The following CSGALNACT1 variants were observed in gnomAD, a reference collection of about 807,000 sequenced individuals.
CSGALNACT1 encodes beta4GalNAcT-1.
A neutral mutation model predicts 51.0 loss-of-function variants in CSGALNACT1; 52 were observed. That is an observed-to-expected ratio of 1.02 (90% CI 0.82 to 1.29). The LOEUF (loss-of-function observed/expected upper bound fraction) is 1.29. CSGALNACT1 is among the 50% of genes most tolerant of loss of function. The pLI is 0.00. For synonymous variants in CSGALNACT1, 341 were observed against 254.4 expected (o/e 1.34, Z -3.24); for missense variants, 935 against 679.2 (o/e 1.38, Z -4.19).
chr8:19,701,684 T>C (rs918067426), intron 1 of CSGALNACT1, among the ~76,000 whole-genome samples: 4 of 152,172 alleles, frequency 2.6e-5, no homozygotes, highest in Non-Finnish European at 5.9e-5. Context: ...ATCACAAGGA[T>C]AATGATGATG....
intron 3 of CSGALNACT1, among the ~76,000 whole-genome samples, chr8:19,567,141 G>A (rs1165886537): frequency 2.0e-5 from 3 of 152,162 alleles, no homozygotes; most frequent in Non-Finnish European, 4.4e-5. Flanking sequence ...TGGTTCAACT[G>A]AAAAGACTCA....
intron 1 of CSGALNACT1, among the ~76,000 whole-genome samples, chr8:19,751,704 C>G (rs986653878): frequency 6.6e-6 from 1 of 152,110 alleles, no homozygotes; most frequent in Non-Finnish European, 1.5e-5. Context: ...GCAGACTTCC[C>G]CCTTGCTGTT....
At chr8:19,520,264 G>A (rs959722193) in intron 3 of CSGALNACT1, among the ~76,000 whole-genome samples, 3 of 152,184 alleles carry the variant, frequency 2.0e-5, no homozygotes, top group African/African-American at 7.2e-5. Flanking sequence ...TTCTCTCTTT[G>A]TGCCATCTAA....
chr8:19,601,916 A>G (rs2050511980), intron 1 of CSGALNACT1, 51 bp from the exon 2 acceptor site: 1 of 453,594 alleles, frequency 2.2e-6, no homozygotes, highest in Admixed American at 2.4e-5. Context: ...CCATGTCTTA[A>G]ATGTATGTGG....
chr8:19,688,409 G>GGGGA (rs2061098644), intron 1 of CSGALNACT1, among the ~76,000 whole-genome samples: 3 of 152,182 alleles, frequency 2.0e-5, no homozygotes, highest in Admixed American at 2.0e-4. Flanking sequence ...ACACCCTGAA[G>GGGGA]GGGAAGGCAA....
At chr8:19,616,228 G>T (rs954597871) in intron 1 of CSGALNACT1, among the ~76,000 whole-genome samples, 3 of 152,150 alleles carry the variant, frequency 2.0e-5, no homozygotes, top group African/African-American at 7.2e-5. Context: ...GGTTAAATTA[G>T]GGAAGATCTT....
rs4922032 is a variant in CSGALNACT1, at chr8:19,468,778, G to C, written c.635-10136C>G. Among the ~76,000 whole-genome samples the C allele has an allele frequency of 6.0e-3, 917 of 152,264 alleles. 10 individuals carry two copies. The highest frequency in any genetic ancestry group is 0.027 in the Middle Eastern group (8 of 294). Reference sequence around the variant, plus strand: ...GCTGATTTGAAGAGGTGTATGAGTAGATTGGAAGCTTGGCGGGCAAGCCTT... The same window carrying C: ...GCTGATTTGAAGAGGTGTATGAGTACATTGGAAGCTTGGCGGGCAAGCCTT... On this transcript the variant is annotated intron_variant, in intron 4 of 9. Coordinates refer to ENST00000454498, the Ensembl canonical transcript of CSGALNACT1.
chr8:19,478,999 G>A (rs961090565), intron 4 of CSGALNACT1, among the ~76,000 whole-genome samples: 1 of 152,192 alleles, frequency 6.6e-6, no homozygotes, highest in Admixed American at 6.5e-5. Flanking sequence ...TGAATGACTG[G>A]AGAGTGACTT....
intron 1 of CSGALNACT1, among the ~76,000 whole-genome samples, chr8:19,666,154 C>G (rs988384580): frequency 1.3e-5 from 2 of 152,164 alleles, no homozygotes; most frequent in African/African-American, 4.8e-5. Flanking sequence ...GGGTGCTCCA[C>G]GGAAGCTGGA....
chr8:19,588,322 C>G (rs1469740062), intron 3 of CSGALNACT1, among the ~76,000 whole-genome samples: 1 of 152,154 alleles, frequency 6.6e-6, no homozygotes, highest in African/African-American at 2.4e-5. Flanking sequence ...ACAAAGTTAT[C>G]AGTATCATAT....
At chr8:19,678,980 CAT>C (rs1384081556) in intron 1 of CSGALNACT1, among the ~76,000 whole-genome samples, 2 of 152,222 alleles carry the variant, frequency 1.3e-5, no homozygotes, top group East Asian at 3.9e-4. Context: ...TTAATCCTGA[CAT>C]AAAGATTAAG....
intron 1 of CSGALNACT1, among the ~76,000 whole-genome samples, chr8:19,643,013 T>G (rs1457987146): frequency 6.6e-6 from 1 of 152,116 alleles, no homozygotes; most frequent in African/African-American, 2.4e-5. Flanking sequence ...TGACCAACCT[T>G]CTGGATGGGA....
intron 6 of CSGALNACT1, among the ~76,000 whole-genome samples, chr8:19,425,156 A>G (rs566501560): frequency 6.6e-6 from 1 of 152,304 alleles, no homozygotes; most frequent in Admixed American, 6.5e-5. Context: ...TGAACTGACC[A>G]ACATGGTGAA....
chr8:19,643,883 G>T (rs2056991165), intron 1 of CSGALNACT1, among the ~76,000 whole-genome samples: 1 of 152,146 alleles, frequency 6.6e-6, no homozygotes, highest in African/African-American at 2.4e-5. Context: ...GCAGTAATTT[G>T]GCAAGTATGA....
At chr8:19,629,893 G>A (rs1026167787) in intron 1 of CSGALNACT1, among the ~76,000 whole-genome samples, 1 of 152,312 alleles carries the variant, frequency 6.6e-6, no homozygotes. Flanking sequence ...GTAAGCACGT[G>A]AGTCTCATTT....
chr8:19,404,943 T>C, exon 10 of CSGALNACT1: 1 of 453,348 alleles, frequency 2.2e-6, no homozygotes, highest in East Asian at 6.9e-5. Context: ...TATGTCTCAA[T>C]GCCTGACATT....
chr8:19,572,461 G>A (rs2043235651), intron 3 of CSGALNACT1, among the ~76,000 whole-genome samples: 1 of 152,180 alleles, frequency 6.6e-6, no homozygotes, highest in Non-Finnish European at 1.5e-5. Context: ...GGACTCAAGA[G>A]TCTGTTCAGA....
At chr8:19,586,708 G>T (rs932766818) in intron 3 of CSGALNACT1, among the ~76,000 whole-genome samples, 1 of 152,154 alleles carries the variant, frequency 6.6e-6, no homozygotes, top group African/African-American at 2.4e-5. Context: ...CTCATAGACT[G>T]CTGGGTGGGA....
chr8:19,521,803 G>A (rs1487934442), intron 3 of CSGALNACT1, among the ~76,000 whole-genome samples: 2 of 152,204 alleles, frequency 1.3e-5, no homozygotes, highest in Non-Finnish European at 2.9e-5. Context: ...TGCAAACTTT[G>A]CTCTGCCTGC....
Sources: gnomAD v4.1 joint callset for allele counts (sites outside exome capture counted in the v4.1 genomes callset) on GRCh38, gnomAD v4.1.1 for gene constraint, MANE v1.5 for transcripts, NCBI Gene and HGNC (gene_info 2026-07-23, HGNC 2026-07-21) for gene names.